ANKRD31: variants seen among roughly 807,000 people sequenced by gnomAD.
ANKRD31 encodes ankyrin repeat domain 31.
Under a neutral mutation model 186.0 loss-of-function variants are expected in ANKRD31, and 147 were observed. The observed-to-expected ratio is 0.79, with a 90% CI of 0.69 to 0.91. The LOEUF (loss-of-function observed/expected upper bound fraction) is 0.91. Among genes scored for constraint, ANKRD31 ranks in the 40% least tolerant of loss-of-function variants. The pLI is 0.00. For missense variants in ANKRD31, 1,986 were observed against 2,148.8 expected, an observed-to-expected ratio of 0.92 and a Z score of 1.50; for synonymous variants, 673 against 736.4, an observed-to-expected ratio of 0.91 and a Z score of 1.39.
chr5:75,137,998 C>T lies in ANKRD31; in HGVS notation c.3734G>A (p.Gly1245Asp). The T allele has an allele frequency of 7.0e-7, 1 of 1,426,374 alleles. No individual in the cohort carries two copies. The highest frequency in any genetic ancestry group is 2.5e-5 in the East Asian group (1 of 39,266). 88.4% of individuals were successfully genotyped at this position (1,426,374 alleles called of 1,614,324 possible). Residue 1245 changes from glycine (G) to aspartate (D), a missense_variant and splice_region_variant, in exon 17 of 26, where the codon GGT (glycine) becomes GAT (aspartate). Coordinates refer to ENST00000506364, the MANE Select transcript of ANKRD31 (RefSeq NM_001372053.1). ...GADVNLNDNAGWTPLHEASNE... is the reference protein window; with the variant it reads ...GADVNLNDNADWTPLHEASNE... Reference sequence around the variant, plus strand: ...AGATGCCTCATGAAGTGGTGTCCAACCTAAAAAAAGAAAAAGAAAAAAAAA... The same window carrying T: ...AGATGCCTCATGAAGTGGTGTCCAATCTAAAAAAAGAAAAAGAAAAAAAAA...
At chr5:75,091,989 G>C (rs1266169479) in intron 22 of ANKRD31, among the ~76,000 whole-genome samples, 1 of 152,084 alleles carries the variant, frequency 6.6e-6, no homozygotes, top group African/African-American at 2.4e-5. Flanking sequence ...TGAAGCTACT[G>C]CCTCCCCTCC....
intron 3 of ANKRD31, among the ~76,000 whole-genome samples, chr5:75,219,978 T>C (rs1757185361): frequency 2.0e-5 from 3 of 152,084 alleles, no homozygotes; most frequent in Admixed American, 2.0e-4. Flanking sequence ...ATACCGTATA[T>C]AAAAATCAAC....
At chr5:75,167,676 C>A (rs1376452337) in intron 11 of ANKRD31, among the ~76,000 whole-genome samples, 1 of 152,010 alleles carries the variant, frequency 6.6e-6, no homozygotes, top group Admixed American at 6.6e-5. Context: ...TTGAAGGAAC[C>A]AGAGATTATT....
At chr5:75,217,461 T>TC (rs1757028287) in intron 3 of ANKRD31, among the ~76,000 whole-genome samples, 1 of 152,182 alleles carries the variant, frequency 6.6e-6, no homozygotes, top group Admixed American at 6.5e-5. Flanking sequence ...TGGAACCCTT[T>TC]ACCATTAAGT....
At chr5:75,202,263 T>C (rs542090796) in intron 5 of ANKRD31, among the ~76,000 whole-genome samples, 1 of 152,242 alleles carries the variant, frequency 6.6e-6, no homozygotes, top group Non-Finnish European at 1.5e-5. Flanking sequence ...GAAATGATCA[T>C]TCTTTTATGC....
chr5:75,152,280 C>T (rs1348126035), intron 12 of ANKRD31, among the ~76,000 whole-genome samples: 2 of 152,038 alleles, frequency 1.3e-5, no homozygotes, highest in Admixed American at 6.6e-5. Flanking sequence ...GAAGTGACAA[C>T]AGCCACAGCT....
Position 75,146,506 on chromosome 5 carries a change from G to A in ANKRD31, c.2905C>T (p.Gln969Ter). ...GAATAAGAAAAATTAACAGCTTCCT[G>A]TTCTGGAAGTGTGGTTAGGCTGACT... ...KAVSLTTLPE[Q>*]EAVNFSYSDN... Residue 969 changes from glutamine to a stop codon, truncating the protein, a stop_gained, in exon 14 of 26, where the codon CAG becomes TAG. Transcript: ENST00000506364. LOFTEE classifies it high-confidence loss of function. The A allele has an allele frequency of 2.0e-6, 3 of 1,536,532 alleles. No individual in the cohort carries two copies.
chr5:75,082,285 A>G (rs1389019166), intron 24 of ANKRD31, among the ~76,000 whole-genome samples: 1 of 152,196 alleles, frequency 6.6e-6, no homozygotes, highest in African/African-American at 2.4e-5. Flanking sequence ...GGCTTGTTAT[A>G]GGAAAGGAAC....
In ANKRD31 at chr5:75,193,452, C is replaced by G; in HGVS notation, c.1157G>C (p.Arg386Thr). ...TTTCAGTTTTTCTAGTCTGGATGAT[C>G]TCCTCAACACACACGCAGTTTCCTG... ...SDQETACVLR[R>T]SSRLEKLKVS... The change falls in exon 8 of 26, where the codon AGA becomes ACA. Residue 386 changes from arginine to threonine, a missense_variant. Physicochemically the swap from Arg to Thr is moderately conservative, Grantham distance 71. Transcript: ENST00000506364. The G allele has an allele frequency of 6.5e-7, 1 of 1,537,286 alleles. No homozygotes were observed. The highest frequency in any genetic ancestry group is 8.7e-7 in the Non-Finnish European group (1 of 1,146,800).
intron 10 of ANKRD31, among the ~76,000 whole-genome samples, chr5:75,179,522 A>G (rs1754105537): frequency 1.3e-5 from 2 of 152,230 alleles, no homozygotes; most frequent in African/African-American, 4.8e-5. Flanking sequence ...AGCACATCAA[A>G]AAGTTTATCC....
At chr5:75,133,236 A>T (rs1330613781) in intron 17 of ANKRD31, among the ~76,000 whole-genome samples, 1 of 152,184 alleles carries the variant, frequency 6.6e-6, no homozygotes, top group East Asian at 1.9e-4. Context: ...TAGAGTCAAG[A>T]CCTATCAGTG....
At chr5:75,220,370 G>T (rs916295371) in intron 3 of ANKRD31, among the ~76,000 whole-genome samples, 47 of 152,210 alleles carry the variant, frequency 3.1e-4, no homozygotes, top group Admixed American at 5.9e-4. Context: ...GCCGGGAACG[G>T]TGGCTCACAC....
intron 10 of ANKRD31, among the ~76,000 whole-genome samples, chr5:75,185,378 T>C (rs1364539472): frequency 6.6e-6 from 1 of 152,096 alleles, no homozygotes; most frequent in Non-Finnish European, 1.5e-5. Context: ...GCCAACATGG[T>C]GAAACCCTGT....
intron 3 of ANKRD31, among the ~76,000 whole-genome samples, chr5:75,218,213 A>C (rs990343248): frequency 6.6e-6 from 1 of 152,140 alleles, no homozygotes; most frequent in Non-Finnish European, 1.5e-5. Context: ...CTAATAAGGA[A>C]GAAAAGAGAG....
intron 1 of ANKRD31, among the ~76,000 whole-genome samples, chr5:75,233,747 C>T (rs1472465034): frequency 2.0e-5 from 3 of 151,982 alleles, no homozygotes; most frequent in Non-Finnish European, 2.9e-5. Context: ...GAAACCCCAT[C>T]TATACTAAAA....
intron 23 of ANKRD31, among the ~76,000 whole-genome samples, chr5:75,089,710 G>C (rs1389060037): frequency 1.3e-5 from 2 of 152,114 alleles, no homozygotes; most frequent in Non-Finnish European, 2.9e-5. Context: ...ATAATCTAAA[G>C]AAAATAAGCC....
chr5:75,092,959 A>T (rs1481195364), intron 22 of ANKRD31, among the ~76,000 whole-genome samples: 1 of 152,206 alleles, frequency 6.6e-6, no homozygotes, highest in African/African-American at 2.4e-5. Flanking sequence ...GGAAAATAAA[A>T]TAACTGAAAT....
At chr5:75,201,807 T>C (rs565611234) in intron 5 of ANKRD31, among the ~76,000 whole-genome samples, 1 of 152,292 alleles carries the variant, frequency 6.6e-6, no homozygotes, top group African/African-American at 2.4e-5. Flanking sequence ...AGATCTTAAG[T>C]CTGTTTAAAA....
intron 21 of ANKRD31, 137 bp from the exon 22 acceptor site, chr5:75,105,355 C>G (rs2150059275): frequency 2.1e-6 from 2 of 957,864 alleles, no homozygotes; most frequent in South Asian, 7.2e-5. Context: ...GTGCAATTTA[C>G]TGCCTTTGAT....
Sources: allele counts gnomAD v4.1 joint callset (sites outside exome capture counted in the v4.1 genomes callset), GRCh38; gene constraint gnomAD v4.1.1; transcripts MANE v1.5; gene names NCBI Gene and HGNC (gene_info 2026-07-23, HGNC 2026-07-21).